The following LMLN variants were observed in gnomAD, a reference collection of about 807,000 sequenced individuals.
LMLN encodes the protein leishmanolysin-like peptidase.
Under a neutral mutation model 92.3 loss-of-function variants are expected in LMLN, and 70 were observed. The ratio of observed to expected loss-of-function variants is 0.76; its 90% CI spans 0.63 to 0.92. The LOEUF is 0.92. Among genes scored for constraint, LMLN ranks in the 40% least tolerant of loss-of-function variants. The pLI is 0.00. For missense variants in LMLN, 691 were observed against 814.6 expected, an observed-to-expected ratio of 0.85 and a Z score of 1.85; for synonymous variants, 308 against 296.2, an observed-to-expected ratio of 1.04 and a Z score of -0.41.
At chr3:197,988,059 T>G (rs915573873) in intron 8 of LMLN, among the ~76,000 whole-genome samples, 1 of 152,156 alleles carries the variant, frequency 6.6e-6, no homozygotes, top group African/African-American at 2.4e-5. Context: ...TCATGCTTAT[T>G]ATAAATATTT....
intron 7 of LMLN, 75 bp from the exon 8 acceptor site, chr3:197,985,721 G>A: frequency 1.1e-6 from 1 of 948,160 alleles, no homozygotes; most frequent in African/African-American, 1.6e-5. Context: ...TAGTATCAGT[G>A]CTCTCTTTTG....
At chr3:197,971,585 GTTGT>G (rs1311011344) in intron 1 of LMLN, among the ~76,000 whole-genome samples, 1 of 152,074 alleles carries the variant, frequency 6.6e-6, no homozygotes, top group Non-Finnish European at 1.5e-5. Context: ...GTACCTGGTT[GTTGT>G]TTGTTTGTTT....
intron 1 of LMLN, among the ~76,000 whole-genome samples, chr3:197,963,201 C>CTTTTTTTTTTTTTTTTT (rs59827521): frequency 1.4e-5 from 2 of 144,036 alleles, no homozygotes; most frequent in Non-Finnish European, 3.0e-5. Flanking sequence ...TTTTCTCTCT[C>CTTTTTTTTTTTTTTTTT]TTTTTTTTTT....
chr3:198,030,364 G>T (rs941401768), intron 14 of LMLN, among the ~76,000 whole-genome samples: 3 of 152,170 alleles, frequency 2.0e-5, no homozygotes, highest in East Asian at 1.9e-4. Flanking sequence ...CTATGCAGAC[G>T]TGGCGCCTGG....
At chr3:198,028,347 A>C (rs1722992090) in intron 14 of LMLN, among the ~76,000 whole-genome samples, 1 of 152,214 alleles carries the variant, frequency 6.6e-6, no homozygotes, top group East Asian at 1.9e-4. Context: ...TGACACCTGT[A>C]GGATATTCGT....
At chr3:197,975,565 A>G (rs1402157218) in intron 3 of LMLN, among the ~76,000 whole-genome samples, 2 of 152,154 alleles carry the variant, frequency 1.3e-5, no homozygotes, top group Non-Finnish European at 2.9e-5. Context: ...CCAGTTCACT[A>G]TGGGCGACAG....
intron 11 of LMLN, among the ~76,000 whole-genome samples, chr3:198,015,056 C>T (rs1265294871): frequency 6.7e-6 from 1 of 149,818 alleles, no homozygotes; most frequent in African/African-American, 2.5e-5. Flanking sequence ...CTTCTCTCCA[C>T]CCTTCAGAGC....
intron 4 of LMLN, chr3:197,976,359 A>C: frequency 2.1e-6 from 1 of 474,800 alleles, no homozygotes; most frequent in Middle Eastern, 5.7e-4. Context: ...TCTCCAGATC[A>C]CCTTTTTCCC....
chr3:197,968,356 G>T (rs1296929310), intron 1 of LMLN, among the ~76,000 whole-genome samples: 3 of 151,954 alleles, frequency 2.0e-5, no homozygotes, highest in African/African-American at 7.3e-5. Context: ...TGTAGTCCCA[G>T]CTACTTGGGA....
At chr3:198,037,738 A>G (rs971011882) in intron 15 of LMLN, among the ~76,000 whole-genome samples, 3 of 152,230 alleles carry the variant, frequency 2.0e-5, no homozygotes, top group Non-Finnish European at 4.4e-5. Flanking sequence ...CTACTGCTAT[A>G]AAAATATTTC....
At chr3:198,024,912 G>A (rs370853479) in intron 14 of LMLN, 124 bp downstream of exon 15, 2 of 668,868 alleles carry the variant, frequency 3.0e-6, no homozygotes, top group African/African-American at 1.9e-5. Flanking sequence ...ACTGTATCTT[G>A]TTTATGTAAA....
exon 13 of LMLN, chr3:198,021,525 C>A (rs1198458826): frequency 6.2e-7 from 1 of 1,613,874 alleles, no homozygotes; most frequent in African/African-American, 1.3e-5. Flanking sequence ...GACTACTGCC[C>A]TTTCAGTCAG....
rs376577448 is a variant in LMLN, at chr3:198,039,738, T to G, written c.*1071T>G. The G allele has an allele frequency of 3.3e-5, 5 of 152,400 alleles. No individual in the cohort carries two copies. In the East Asian group the frequency reaches 9.6e-4, roughly 29 times the overall value. The allele number at this position is 152,400 out of a possible 1,614,324, so 9.4% of individuals were successfully genotyped here. ...GCCCTTTTTGCCAGCTATGTGGCAG[T>G]TTACGGCAGAACTGCTGTCAGTGTG... On this transcript the variant is annotated 3_prime_UTR_variant, in exon 16 of 16. Coordinates refer to ENST00000330198, the Ensembl canonical transcript of LMLN.
intron 14 of LMLN, among the ~76,000 whole-genome samples, chr3:198,035,019 A>C (rs1723173522): frequency 6.6e-6 from 1 of 152,072 alleles, no homozygotes; most frequent in South Asian, 2.1e-4. Context: ...ACATGACAAA[A>C]CCCAAACCCC....
At position 198,025,036 on chromosome 3, in the gene LMLN, G is replaced by A. The variant is rs1722891105; in HGVS notation, c.1656+248G>A. Among the ~76,000 whole-genome samples, 1 of 152,140 alleles carries A rather than the reference G, an allele frequency of 6.6e-6. No homozygotes were observed. Among genetic ancestry groups the A allele is most frequent in the South Asian group, 2.1e-4 (1 of 4,822 alleles). Reference sequence around the variant, plus strand: ...GTTACTTCTGGGCATATATTCTGAGGAAGTAATGGTAAATAGGTAATTTTG... The same window carrying A: ...GTTACTTCTGGGCATATATTCTGAGAAAGTAATGGTAAATAGGTAATTTTG... On this transcript the variant is annotated intron_variant, in intron 14 of 15. Coordinates refer to ENST00000330198, the Ensembl canonical transcript of LMLN. This position sits in a 1 kb window ranked among gnomAD's most constrained non-coding sequence, Gnocchi z 4.3.
intron 2 of LMLN, among the ~76,000 whole-genome samples, chr3:197,974,706 A>G (rs1721320045): frequency 1.3e-5 from 2 of 152,246 alleles, no homozygotes; most frequent in Non-Finnish European, 1.5e-5. Flanking sequence ...CTGGTCAATC[A>G]TGAATAATTT....
At chr3:197,992,101 A>G (rs1213771412) in intron 9 of LMLN, among the ~76,000 whole-genome samples, 2 of 151,772 alleles carry the variant, frequency 1.3e-5, no homozygotes, top group South Asian at 2.1e-4. Flanking sequence ...AAAAAAAAAA[A>G]AAAAAGAAAA....
chr3:197,990,635 G>C (rs200973289), exon 9 of LMLN: 6 of 1,602,228 alleles, frequency 3.7e-6, no homozygotes, highest in African/African-American at 1.3e-5. Flanking sequence ...TAATAAGATA[G>C]TTCGTCACAC....
intron 12 of LMLN, among the ~76,000 whole-genome samples, chr3:198,021,149 T>G (rs577399629): frequency 6.6e-6 from 1 of 152,220 alleles, no homozygotes; most frequent in Non-Finnish European, 1.5e-5. Flanking sequence ...TTAAAACTTC[T>G]TTTTGCTCAG....
Sources: gnomAD v4.1 joint callset for allele counts (sites outside exome capture counted in the v4.1 genomes callset) on GRCh38, gnomAD v4.1.1 for gene constraint, Gnocchi (gnomAD v3.1) non-coding constraint, MANE v1.5 for transcripts, NCBI Gene and HGNC (gene_info 2026-07-23, HGNC 2026-07-21) for gene names.